Variants in SDK2 observed in about 807,000 individuals in gnomAD.
SDK2 encodes the protein sidekick cell adhesion molecule 2, also known as protein sidekick-2.
SDK2 carries 105 observed loss-of-function variants against 253.9 expected under a neutral mutation model. The ratio of observed to expected loss-of-function variants is 0.41; its 90% CI spans 0.35 to 0.49. The LOEUF is 0.49. Among genes scored for constraint, SDK2 ranks in the 20% least tolerant of loss-of-function variants. The probability of loss-of-function intolerance (pLI) is 0.06; values close to 1 mark genes in which losing one functional copy is unlikely to be tolerated. For synonymous variants in SDK2, 1,249 were observed against 1,234.9 expected, an observed-to-expected ratio of 1.01 and a Z score of -0.24; for missense variants, 2,608 against 3,003.0, an observed-to-expected ratio of 0.87 and a Z score of 3.07.
chr17:73,446,558 C>T (rs1275270016), intron 5 of SDK2, among the ~76,000 whole-genome samples: 2 of 152,182 alleles, frequency 1.3e-5, no homozygotes, highest in South Asian at 2.1e-4. Context: ...TGGGAATGTC[C>T]TGGGCCCTCT....
intron 38 of SDK2, among the ~76,000 whole-genome samples, chr17:73,363,087 A>G (rs749074733): frequency 5.9e-5 from 9 of 152,106 alleles, no homozygotes; most frequent in Non-Finnish European, 1.2e-4. Context: ...GTGGATTACT[A>G]ATATTATCGT....
rs747535623 is a variant in SDK2 at position 73,338,922 on chromosome 17, C to G, written c.6184G>C (p.Glu2062Gln). Residue 2062 changes from glutamate (E) to glutamine (Q), a missense_variant, in exon 45 of 45, where the codon GAG (glutamate) becomes CAG (glutamine). This residue lies in a region of SDK2 where 1,103 missense variants were observed against 1,143.9 expected (regional missense o/e 0.96). Coordinates refer to ENST00000392650, the MANE Select transcript of SDK2 (RefSeq NM_001144952.2). The surrounding 1 kb of genome is among the most constrained non-coding windows in gnomAD (Gnocchi z 5.0). Reference sequence around the variant, plus strand: ...GCCTTCTGGTGGTTTGAGTCGACCTCGTACTCGCTGTCACTTCCCTGGGAG... The same window carrying G: ...GCCTTCTGGTGGTTTGAGTCGACCTGGTACTCGCTGTCACTTCCCTGGGAG... ...SDSQGSDSEY[E>Q]VDSNHQKAHS... is the part of the protein sequence containing the mutation. 2 of 1,613,962 alleles carry G rather than the reference C, an allele frequency of 1.2e-6. No individual in the cohort carries two copies. Among genetic ancestry groups the G allele is most frequent in the Admixed American group, 1.7e-5 (1 of 60,026 alleles).
intron 29 of SDK2, 100 bp from the exon 30 acceptor site, chr17:73,388,137 G>T: frequency 1.2e-6 from 1 of 815,730 alleles, no homozygotes; most frequent in East Asian, 2.7e-5. Flanking sequence ...CTGGGCTCAG[G>T]CCTGGCATCC....
At chr17:73,380,582 C>A (rs988545961) in intron 34 of SDK2, among the ~76,000 whole-genome samples, 3 of 152,208 alleles carry the variant, frequency 2.0e-5, no homozygotes, top group African/African-American at 2.4e-5. Flanking sequence ...GCCCACCTAC[C>A]CAGCAGCGTC....
At chr17:73,597,119 C>A (rs2045770644) in intron 1 of SDK2, among the ~76,000 whole-genome samples, 1 of 152,342 alleles carries the variant, frequency 6.6e-6, no homozygotes, top group Admixed American at 6.5e-5. Context: ...TTCCCAAGCT[C>A]ATCTGTCTTT....
chr17:73,634,465 A>G lies in SDK2; in HGVS notation c.64+9560T>C, dbSNP rs1325971231. ...TAGACTGGGGTGAAGAGCAAATGCG[A>G]TGTCTATGAAAGCTACCCACATACA... On this transcript the variant is annotated intron_variant, in intron 1 of 44. Transcript: ENST00000392650. 3.3e-5 allele frequency among the ~76,000 whole-genome samples: 5 copies of G among 152,224 alleles called. No individual in the cohort carries two copies. In the East Asian group the frequency reaches 9.6e-4, roughly 29 times the overall value.
At chr17:73,591,032 G>C (rs1255085534) in intron 1 of SDK2, among the ~76,000 whole-genome samples, 2 of 152,138 alleles carry the variant, frequency 1.3e-5, no homozygotes, top group Non-Finnish European at 2.9e-5. Context: ...TGATTCTCCT[G>C]CCTCAGCCTC....
chr17:73,436,393 A>T (rs2063369037), intron 8 of SDK2, among the ~76,000 whole-genome samples: 1 of 152,070 alleles, frequency 6.6e-6, no homozygotes, highest in African/African-American at 2.4e-5. Flanking sequence ...CCTGACCAAC[A>T]TGGTGAAACC....
intron 34 of SDK2, among the ~76,000 whole-genome samples, chr17:73,380,651 T>G (rs1004703601): frequency 3.9e-5 from 6 of 152,220 alleles, no homozygotes; most frequent in African/African-American, 1.4e-4. Flanking sequence ...AGCACAGGGT[T>G]ACAGACTTCC....
intron 3 of SDK2, among the ~76,000 whole-genome samples, chr17:73,469,992 G>GCGCACGCACACA (rs1328450219): frequency 7.9e-6 from 1 of 126,184 alleles, no homozygotes; most frequent in African/African-American, 3.1e-5. Flanking sequence ...GCGCGCGCGC[G>GCGCACGCACACA]CACACACACA....
At chr17:73,564,841 C>A (rs1310265654) in intron 1 of SDK2, among the ~76,000 whole-genome samples, 10 of 150,530 alleles carry the variant, frequency 6.6e-5, no homozygotes, top group African/African-American at 2.2e-4. Context: ...AAACAAAAAA[C>A]AAAAACAAAC....
chr17:73,621,161 T>C (rs1191107249), intron 1 of SDK2, among the ~76,000 whole-genome samples: 1 of 152,202 alleles, frequency 6.6e-6, no homozygotes, highest in East Asian at 1.9e-4. Flanking sequence ...GTATAGATGA[T>C]GCCTAAATCT....
intron 18 of SDK2, 53 bp from the exon 19 acceptor site, chr17:73,402,194 C>G (rs750058718): frequency 5.4e-5 from 85 of 1,559,898 alleles, no homozygotes; most frequent in Non-Finnish European, 7.1e-5. Flanking sequence ...CCAGAGGAGG[C>G]CAAGCCCTCT....
intron 19 of SDK2, 54 bp from the exon 20 acceptor site, chr17:73,401,806 A>C (rs992864661): frequency 1.3e-6 from 2 of 1,497,210 alleles, no homozygotes; most frequent in Non-Finnish European, 1.8e-6. Context: ...CCAGAGAGAG[A>C]CCACCATCTG....
At position 73,379,577 on chromosome 17, in the gene SDK2, C is replaced by A. The variant is rs1484561404; in HGVS notation, c.4763-28G>T. On this transcript the variant is annotated intron_variant, in intron 34 of 44. Coordinates refer to ENST00000392650, the MANE Select transcript of SDK2 (RefSeq NM_001144952.2). The surrounding 1 kb of genome is among the most constrained non-coding windows in gnomAD (Gnocchi z 4.5). ...GTGGGGGAGAGTGGGGGAGGGGAAG[C>A]ACACTGAGGTCACCGTCATTGCTGG... is the stretch of plus-strand genomic sequence containing the variant. 7.2e-7 allele frequency: 1 copy of A among 1,395,518 alleles called. No homozygotes were observed. The highest frequency in any genetic ancestry group is 1.0e-6 in the Non-Finnish European group (1 of 992,962). The allele number at this position is 1,395,518 out of a possible 1,614,324, so 86.4% of individuals were successfully genotyped here. A position where few individuals can be genotyped will look rare whatever the true frequency, so the allele number is the denominator to read the frequency against.
chr17:73,468,138 G>A lies in SDK2; in HGVS notation c.331+3974C>T, dbSNP rs923799717. Among the ~76,000 whole-genome samples the A allele has an allele frequency of 1.3e-4, 20 of 152,302 alleles. 1 individual carries two copies. The highest frequency in any genetic ancestry group is 2.1e-4 in the Non-Finnish European group (14 of 68,014). On this transcript the variant is annotated intron_variant, in intron 3 of 44. Transcript: ENST00000392650. ...TGAGAGGTAGTGGAGGGGCAGGGCC[G>A]GGCTGGCAGGATGGCACCGGGGAAG...
chr17:73,566,118 G>C lies in SDK2; in HGVS notation c.65-58521C>G, dbSNP rs370447592. Among the ~76,000 whole-genome samples, 13 of 152,274 alleles carry C rather than the reference G, an allele frequency of 8.5e-5. No individual in the cohort carries two copies. The East Asian group carries it at 1.9e-3, about 23-fold the overall frequency. Reference sequence around the variant, plus strand: ...TTACAGGCGTGAGGCACTGCCCCCAGCCAAGAGCTGGTTGTTTAAAAGAGC... The same window carrying C: ...TTACAGGCGTGAGGCACTGCCCCCACCCAAGAGCTGGTTGTTTAAAAGAGC... On this transcript the variant is annotated intron_variant, in intron 1 of 44. Transcript: ENST00000392650.
intron 2 of SDK2, among the ~76,000 whole-genome samples, chr17:73,489,337 C>T (rs1213308105): frequency 6.6e-6 from 1 of 152,134 alleles, no homozygotes; most frequent in Non-Finnish European, 1.5e-5. Context: ...TCCCAGGGAC[C>T]TTAAGGGAAT....
At position 73,379,022 on chromosome 17, in the gene SDK2, G is replaced by A. The variant is rs1013168506; in HGVS notation, c.4980+155C>T. ...TGCGAACTGGGTCCAAACAGCCAAG[G>A]TGGCAGGTGTACCACAGAGCCTGAA... On this transcript the variant is annotated intron_variant, in intron 36 of 44. Transcript: ENST00000392650. This position sits in a 1 kb window ranked among gnomAD's most constrained non-coding sequence, Gnocchi z 4.5. Among the ~76,000 whole-genome samples, 6 of 152,186 alleles carry A rather than the reference G, an allele frequency of 3.9e-5. No homozygotes were observed. The highest frequency in any genetic ancestry group is 3.9e-4 in the Admixed American group (6 of 15,280).
Sources: allele counts gnomAD v4.1 joint callset (sites outside exome capture counted in the v4.1 genomes callset), GRCh38; gene constraint gnomAD v4.1.1; regional missense constraint gnomAD v4.1.1; non-coding constraint Gnocchi (gnomAD v3.1); transcripts MANE v1.5; gene names NCBI Gene and HGNC (gene_info 2026-07-23, HGNC 2026-07-21).